Variants in OTOGL observed in about 807,000 individuals in gnomAD.
OTOGL encodes otogelin-like protein.
In OTOGL, 285 loss-of-function variants were observed where a neutral mutation model predicts 318.5. That is an observed-to-expected ratio of 0.89 (90% confidence interval 0.81 to 0.99). The LOEUF is 0.99. Ranked by LOEUF, OTOGL falls within the 50% of genes least tolerant of loss-of-function variation. OTOGL has a pLI of 0.00. For synonymous variants in OTOGL, 987 were observed against 936.5 expected, an observed-to-expected ratio of 1.05 and a Z score of -0.99; for missense variants, 2,899 against 2,845.6, an observed-to-expected ratio of 1.02 and a Z score of -0.43.
intron 1 of OTOGL, among the ~76,000 whole-genome samples, chr12:80,109,093 A>C (rs1315944035): frequency 6.6e-6 from 1 of 151,580 alleles, no homozygotes; most frequent in South Asian, 2.1e-4. Context: ...CATGGAAAAA[A>C]TATGCTCTAG....
At chr12:80,309,268 C>T (rs758347855) in intron 29 of OTOGL, among the ~76,000 whole-genome samples, 4 of 152,026 alleles carry the variant, frequency 2.6e-5, no homozygotes, top group Non-Finnish European at 5.9e-5. Flanking sequence ...AATTAACAGT[C>T]GGAACATAGT....
At chr12:80,118,627 A>G (rs4128700) in intron 1 of OTOGL, among the ~76,000 whole-genome samples, 1 of 152,208 alleles carries the variant, frequency 6.6e-6, no homozygotes, top group Admixed American at 6.5e-5. Context: ...TTTAATTGAC[A>G]CCATTTCAAA....
chr12:80,162,414 A>T (rs1216364428), intron 1 of OTOGL, among the ~76,000 whole-genome samples: 1 of 152,140 alleles, frequency 6.6e-6, no homozygotes, highest in African/African-American at 2.4e-5. Context: ...GTTAGCTCTC[A>T]TAAGTATACA....
In OTOGL at chr12:80,258,019, C is replaced by A; in HGVS notation, c.1889+17C>A. The A allele has an allele frequency of 6.4e-7, 1 of 1,552,542 alleles. No individual in the cohort carries two copies. Among genetic ancestry groups the A allele is most frequent in the Non-Finnish European group, 8.6e-7 (1 of 1,159,258 alleles). On this transcript the variant is annotated intron_variant, in intron 18 of 58. Coordinates refer to ENST00000547103, the MANE Select transcript of OTOGL (RefSeq NM_001378609.3). Reference sequence around the variant, plus strand: ...TGATTTTCTGTAAGTATGATTTCTGCATAGTTAACATACTTAATGACTGGT... The same window carrying A: ...TGATTTTCTGTAAGTATGATTTCTGAATAGTTAACATACTTAATGACTGGT...
At chr12:80,115,389 A>T (rs1308507940) in intron 1 of OTOGL, among the ~76,000 whole-genome samples, 1 of 152,110 alleles carries the variant, frequency 6.6e-6, no homozygotes, top group African/African-American at 2.4e-5. Flanking sequence ...CTGGAGGTCC[A>T]CACCAGACCC....
chr12:80,344,735 G>A (rs956723836), intron 44 of OTOGL, among the ~76,000 whole-genome samples: 3 of 151,760 alleles, frequency 2.0e-5, no homozygotes, highest in South Asian at 2.1e-4. Context: ...TGGCTCAAGA[G>A]GTTTCTTCAG....
intron 1 of OTOGL, among the ~76,000 whole-genome samples, chr12:80,129,640 C>G (rs1367915943): frequency 1.3e-5 from 2 of 151,924 alleles, no homozygotes; most frequent in Non-Finnish European, 2.9e-5. Flanking sequence ...TTCTTCACTT[C>G]TGAACTTTCC....
intron 1 of OTOGL, among the ~76,000 whole-genome samples, chr12:80,181,440 A>G (rs1321256518): frequency 1.3e-5 from 2 of 151,072 alleles, no homozygotes; most frequent in Non-Finnish European, 2.9e-5. Context: ...TCTCTTTTCT[A>G]TTATGCTGGT....
At chr12:80,304,254 G>A (rs970393515) in intron 28 of OTOGL, among the ~76,000 whole-genome samples, 48 of 151,402 alleles carry the variant, frequency 3.2e-4, no homozygotes, top group African/African-American at 1.0e-3. Context: ...ATAATTTTTG[G>A]CAATTATAAA....
chr12:80,233,149 C>T, intron 9 of OTOGL, 52 bp downstream of exon 9: 1 of 1,456,828 alleles, frequency 6.9e-7, no homozygotes, highest in South Asian at 1.3e-5. Flanking sequence ...TTCTTCTTCC[C>T]CTGACCAAGT....
chr12:80,127,577 A>G lies in OTOGL; in HGVS notation c.-20+27972A>G, dbSNP rs536608683. Among the ~76,000 whole-genome samples the G allele has an allele frequency of 2.6e-5, 4 of 152,224 alleles. No individual in the cohort carries two copies. The South Asian group carries it at 8.3e-4, about 32-fold the overall frequency. On this transcript the variant is annotated intron_variant, in intron 1 of 58. Transcript: ENST00000547103. ...CATTCTCTGTATTTCCTGAATCTGA[A>G]TGTTGGCCTGCCTTGCTAGATTGGG...
chr12:80,112,236 A>G (rs1309722469), intron 1 of OTOGL, among the ~76,000 whole-genome samples: 1 of 151,790 alleles, frequency 6.6e-6, no homozygotes, highest in Non-Finnish European at 1.5e-5. Flanking sequence ...AATACCTTTT[A>G]TTTTCTGTTG....
intron 44 of OTOGL, among the ~76,000 whole-genome samples, chr12:80,342,616 AAAT>A (rs764721291): frequency 2.0e-5 from 3 of 152,204 alleles, no homozygotes; most frequent in Non-Finnish European, 2.9e-5. Flanking sequence ...TAGGCATTTT[AAAT>A]AATCTATATT....
chr12:80,314,735 TA>T (rs1274304042), intron 32 of OTOGL, among the ~76,000 whole-genome samples: 1 of 152,122 alleles, frequency 6.6e-6, no homozygotes, highest in African/African-American at 2.4e-5. Flanking sequence ...AATTGACAAA[TA>T]TAATTGTATA....
intron 25 of OTOGL, among the ~76,000 whole-genome samples, 164 bp downstream of exon 25, chr12:80,278,439 G>T (rs1001563246): frequency 6.6e-6 from 1 of 151,424 alleles, no homozygotes. Flanking sequence ...ATCTGCAGGG[G>T]ACTATATCAT....
intron 55 of OTOGL, among the ~76,000 whole-genome samples, chr12:80,368,817 CTA>C (rs1461698502): frequency 4.5e-5 from 1 of 22,368 alleles, no homozygotes; most frequent in East Asian, 2.5e-3. Context: ...TTGACAACTA[CTA>C]TTTTTTTTTT....
At chr12:80,146,692 C>A (rs1490760150) in intron 1 of OTOGL, among the ~76,000 whole-genome samples, 1 of 151,930 alleles carries the variant, frequency 6.6e-6, no homozygotes, top group Non-Finnish European at 1.5e-5. Flanking sequence ...TGGTCCTGGA[C>A]TCTTTTTGGT....
At chr12:80,260,907 C>T (rs936519602) in intron 18 of OTOGL, among the ~76,000 whole-genome samples, 2 of 152,052 alleles carry the variant, frequency 1.3e-5, no homozygotes, top group African/African-American at 4.8e-5. Context: ...ACAAACCATG[C>T]AATTACTTTG....
chr12:80,245,279 G>A, intron 11 of OTOGL, among the ~76,000 whole-genome samples: 1 of 36,584 alleles, frequency 2.7e-5, no homozygotes, highest in African/African-American at 1.4e-4. Context: ...TTCTTCTAGG[G>A]TTTTTATGGT....
Sources: gnomAD v4.1 joint callset for allele counts (sites outside exome capture counted in the v4.1 genomes callset) on GRCh38, gnomAD v4.1.1 for gene constraint, MANE v1.5 for transcripts, NCBI Gene and HGNC (gene_info 2026-07-23, HGNC 2026-07-21) for gene names.